Variants in C2orf66 observed in about 807,000 individuals in gnomAD.
The protein encoded by C2orf66 is uncharacterized protein C2orf66.
Under a neutral mutation model 7.0 loss-of-function variants are expected in C2orf66, and 6 were observed. The ratio of observed to expected loss-of-function variants is 0.86; its 90% confidence interval spans 0.47 to 1.69. The LOEUF (loss-of-function observed/expected upper bound fraction) is 1.69. Ranked by LOEUF, C2orf66 falls within the 40% of genes most tolerant of loss-of-function variation. The pLI, the probability that C2orf66 is intolerant of heterozygous loss-of-function variation, is 0.01. For missense variants in C2orf66, 107 were observed against 112.0 expected (o/e 0.96, Z 0.20); for synonymous variants, 38 against 43.8 (o/e 0.87, Z 0.52).
At chr2:196,822,401 T>A in the C2orf66 span, among the ~76,000 whole-genome samples, 2 of 152,212 alleles carry the variant, frequency 1.3e-5, no homozygotes. Context: ...CCTTCAAAAG[T>A]GCATTCTGTA....
At chr2:196,814,323 C>G (rs1462082735), upstream of C2orf66, among the ~76,000 whole-genome samples, 1 of 152,032 alleles carries the variant, frequency 6.6e-6, no homozygotes, top group African/African-American at 2.4e-5. Context: ...AACACAGGAA[C>G]AGAAAACCAA....
chr2:196,807,014 A>G (rs546798580), intron 2 of C2orf66, among the ~76,000 whole-genome samples: 23 of 152,316 alleles, frequency 1.5e-4, no homozygotes, highest in African/African-American at 5.3e-4. Flanking sequence ...CCAAAGAACC[A>G]TACTTTCAAC....
the C2orf66 span, among the ~76,000 whole-genome samples, chr2:196,829,853 C>T: frequency 6.6e-6 from 1 of 151,318 alleles, no homozygotes; most frequent in Admixed American, 6.6e-5. Flanking sequence ...GCCGAGATCA[C>T]GCCACTGCAC....
chr2:196,814,877 C>T, the C2orf66 span, among the ~76,000 whole-genome samples: 3 of 152,296 alleles, frequency 2.0e-5, no homozygotes, highest in South Asian at 2.1e-4. Context: ...AGGTAACATA[C>T]ATACTATAGT....
upstream of C2orf66, among the ~76,000 whole-genome samples, chr2:196,812,412 A>G (rs1699885605): frequency 1.3e-5 from 2 of 152,194 alleles, no homozygotes; most frequent in Admixed American, 1.3e-4. Context: ...TCAATAAACC[A>G]GGTATTGATG....
At chr2:196,826,734 C>A in the C2orf66 span, among the ~76,000 whole-genome samples, 1 of 152,008 alleles carries the variant, frequency 6.6e-6, no homozygotes, top group East Asian at 1.9e-4. Context: ...TGTATTTTAT[C>A]ACAATACAAC....
chr2:196,827,280 A>C, the C2orf66 span, among the ~76,000 whole-genome samples: 2 of 151,606 alleles, frequency 1.3e-5, no homozygotes, highest in Non-Finnish European at 2.9e-5. Flanking sequence ...GAACAAAAAA[A>C]CCCCGACAAC....
chr2:196,826,041 A>T, the C2orf66 span, among the ~76,000 whole-genome samples: 1 of 152,230 alleles, frequency 6.6e-6, no homozygotes, highest in Non-Finnish European at 1.5e-5. Context: ...ACTCCTCCCA[A>T]GAAACCATAG....
chr2:196,812,335 A>C (rs535185921), upstream of C2orf66, among the ~76,000 whole-genome samples: 1 of 152,232 alleles, frequency 6.6e-6, no homozygotes, highest in Non-Finnish European at 1.5e-5. Flanking sequence ...AAACCACAAC[A>C]TGATTTGTCT....
the C2orf66 span, chr2:196,831,949 A>C: frequency 1.3e-5 from 2 of 152,138 alleles, no homozygotes; most frequent in African/African-American, 4.8e-5. Context: ...TGCATGAGCC[A>C]TGTGGTTTGT....
chr2:196,820,795 A>G, the C2orf66 span, among the ~76,000 whole-genome samples: 6 of 152,216 alleles, frequency 3.9e-5, no homozygotes, highest in African/African-American at 1.2e-4. Flanking sequence ...CTTAAATTCT[A>G]TCTGAGAATT....
the C2orf66 span, among the ~76,000 whole-genome samples, chr2:196,815,371 T>C: frequency 6.6e-6 from 1 of 152,218 alleles, no homozygotes; most frequent in Non-Finnish European, 1.5e-5. Flanking sequence ...ACTAAGTAGA[T>C]ATTTTATAAT....
the C2orf66 span, among the ~76,000 whole-genome samples, chr2:196,815,750 G>T: frequency 6.6e-6 from 1 of 152,164 alleles, no homozygotes; most frequent in African/African-American, 2.4e-5. Context: ...ATTAAACAAG[G>T]TAGGGAGGAA....
chr2:196,826,111 C>T, the C2orf66 span, among the ~76,000 whole-genome samples: 2 of 152,140 alleles, frequency 1.3e-5, no homozygotes, highest in South Asian at 4.1e-4. Context: ...TAAGCACTGA[C>T]ACTTCTACTC....
the C2orf66 span, among the ~76,000 whole-genome samples, chr2:196,828,430 G>A: frequency 6.6e-6 from 1 of 152,092 alleles, no homozygotes; most frequent in African/African-American, 2.4e-5. Context: ...TATGAAAAAA[G>A]ACTTTAGTTC....
chr2:196,827,747 G>A, the C2orf66 span, among the ~76,000 whole-genome samples: 1 of 152,010 alleles, frequency 6.6e-6, no homozygotes, highest in Non-Finnish European at 1.5e-5. Context: ...AATCAGAATC[G>A]TGCAAAATAT....
the C2orf66 span, among the ~76,000 whole-genome samples, chr2:196,828,818 C>A: frequency 6.6e-6 from 1 of 152,086 alleles, no homozygotes; most frequent in East Asian, 1.9e-4. Context: ...CGGTTGACAG[C>A]CAGAAAACAG....
chr2:196,813,068 T>C (rs1405407303), upstream of C2orf66, among the ~76,000 whole-genome samples: 2 of 152,014 alleles, frequency 1.3e-5, no homozygotes, highest in African/African-American at 4.8e-5. Flanking sequence ...TTCACAGAAC[T>C]GGAAACAACT....
chr2:196,806,544 G>A (rs1183024681), intron 2 of C2orf66, among the ~76,000 whole-genome samples: 2 of 151,134 alleles, frequency 1.3e-5, no homozygotes, highest in African/African-American at 4.9e-5. Flanking sequence ...TGATAGGAAT[G>A]CTAAATAATA....
Sources: gnomAD v4.1 joint callset for allele counts (sites outside exome capture counted in the v4.1 genomes callset) on GRCh38, gnomAD v4.1.1 for gene constraint, MANE v1.5 for transcripts, NCBI Gene and HGNC (gene_info 2026-07-23, HGNC 2026-07-21) for gene names.